FOXN3: variants seen among roughly 807,000 people sequenced by gnomAD.
FOXN3 encodes the protein forkhead box N3, also known as forkhead box protein N3.
FOXN3 carries 7 observed loss-of-function variants against 38.4 expected under a neutral mutation model. The ratio of observed to expected loss-of-function variants is 0.18; its 90% CI spans 0.10 to 0.34. FOXN3 has a LOEUF of 0.34. Among genes scored for constraint, FOXN3 ranks in the 10% least tolerant of loss-of-function variants. The pLI, the probability that FOXN3 is intolerant of heterozygous loss-of-function variation, is 1.00. For missense variants in FOXN3, 456 were observed against 613.4 expected, an observed-to-expected ratio of 0.74 and a Z score of 2.71; for synonymous variants, 230 against 242.2, an observed-to-expected ratio of 0.95 and a Z score of 0.47.
intron 1 of FOXN3, among the ~76,000 whole-genome samples, chr14:89,455,113 C>A (rs11628278): frequency 0.044 from 6,723 of 152,242 alleles, 384 homozygotes; most frequent in African/African-American, 0.13. Flanking sequence ...GGCTTTCTTC[C>A]CGCATTCCAG....
intron 1 of FOXN3, among the ~76,000 whole-genome samples, chr14:89,491,926 T>C (rs1013914158): frequency 6.6e-6 from 1 of 152,224 alleles, no homozygotes; most frequent in African/African-American, 2.4e-5. Context: ...GGTTCATGTG[T>C]TTTTCTATTC....
At chr14:89,180,877 A>G in intron 4 of FOXN3, 71 bp from the exon 5 acceptor site, 1 of 1,273,302 alleles carries the variant, frequency 7.9e-7, no homozygotes, top group Non-Finnish European at 1.1e-6. Context: ...CAAGTCAGAA[A>G]TTCTGGATAG....
intron 3 of FOXN3, among the ~76,000 whole-genome samples, chr14:89,282,575 G>C (rs1196765909): frequency 6.6e-6 from 1 of 152,164 alleles, no homozygotes; most frequent in East Asian, 1.9e-4. Context: ...AAGCTCTCAG[G>C]ATTTTACCAT....
chr14:89,253,272 T>A (rs761992731), intron 4 of FOXN3, among the ~76,000 whole-genome samples: 2 of 152,216 alleles, frequency 1.3e-5, no homozygotes, highest in Non-Finnish European at 2.9e-5. Context: ...AAAGAGCCTC[T>A]GGCAGGGATC....
chr14:89,479,821 T>C (rs574456417), intron 1 of FOXN3, among the ~76,000 whole-genome samples: 13 of 152,344 alleles, frequency 8.5e-5, no homozygotes, highest in African/African-American at 2.4e-4. Flanking sequence ...GATTTCCATT[T>C]AATTAACTGT....
At chr14:89,277,287 A>C (rs1004101835) in intron 4 of FOXN3, among the ~76,000 whole-genome samples, 2 of 152,214 alleles carry the variant, frequency 1.3e-5, no homozygotes, top group Non-Finnish European at 2.9e-5. Flanking sequence ...GACACCTGTC[A>C]GCTGGCCACG....
chr14:89,456,169 G>A (rs962084967), intron 1 of FOXN3, among the ~76,000 whole-genome samples: 12 of 147,942 alleles, frequency 8.1e-5, no homozygotes, highest in African/African-American at 2.0e-4. Context: ...ACTCCAGCCC[G>A]GGCAACAGTG....
chr14:89,393,275 T>C (rs1891007462), intron 2 of FOXN3, among the ~76,000 whole-genome samples: 1 of 152,170 alleles, frequency 6.6e-6, no homozygotes, highest in African/African-American at 2.4e-5. Context: ...CCAGTTACAT[T>C]GGATTACAAA....
chr14:89,306,417 G>C (rs1305556832), intron 3 of FOXN3, among the ~76,000 whole-genome samples: 1 of 151,902 alleles, frequency 6.6e-6, no homozygotes, highest in Non-Finnish European at 1.5e-5. Flanking sequence ...GCCCAGGCTG[G>C]AGTACAGTGG....
intron 3 of FOXN3, chr14:89,290,408 C>T: frequency 2.7e-6 from 1 of 365,998 alleles, no homozygotes; most frequent in Non-Finnish European, 5.4e-6. Flanking sequence ...TCCCCATTAC[C>T]TGGATTTGAA....
At chr14:89,483,419 C>CT (rs1327730575) in intron 1 of FOXN3, among the ~76,000 whole-genome samples, 3 of 151,986 alleles carry the variant, frequency 2.0e-5, no homozygotes, top group Non-Finnish European at 2.9e-5. Context: ...GTGGGGTGTA[C>CT]TTTTTTTAAG....
intron 4 of FOXN3, 125 bp from the exon 5 acceptor site, chr14:89,180,931 A>AACAC: frequency 4.4e-6 from 2 of 450,184 alleles, no homozygotes; most frequent in Non-Finnish European, 3.8e-6. Flanking sequence ...GACAGAGAGA[A>AACAC]ACACACACAC....
intron 3 of FOXN3, among the ~76,000 whole-genome samples, chr14:89,337,842 C>T (rs1022702568): frequency 6.6e-6 from 1 of 152,122 alleles, no homozygotes; most frequent in Non-Finnish European, 1.5e-5. Flanking sequence ...GTTGGCCAGG[C>T]TGGTCTTGAA....
At chr14:89,436,489 C>T (rs1327858386) in intron 1 of FOXN3, among the ~76,000 whole-genome samples, 5 of 152,122 alleles carry the variant, frequency 3.3e-5, no homozygotes, top group Non-Finnish European at 7.4e-5. Context: ...CTCTCCCTTT[C>T]CCAGAGTCCC....
intron 2 of FOXN3, among the ~76,000 whole-genome samples, chr14:89,357,925 C>A (rs1596212400): frequency 6.6e-6 from 1 of 152,186 alleles, no homozygotes; most frequent in Non-Finnish European, 1.5e-5. Context: ...CCCTCATTGA[C>A]CCCAACCTTT....
chr14:89,606,545 G>A (rs182825115), intron 1 of FOXN3, among the ~76,000 whole-genome samples: 5 of 152,192 alleles, frequency 3.3e-5, no homozygotes, highest in African/African-American at 1.2e-4. Context: ...TTTGGAGTGT[G>A]TGTAGTATAA....
chr14:89,481,103 T>TTA lies in FOXN3; in HGVS notation c.-14-68614_-14-68613insTA, dbSNP rs1555356235. Reference sequence around the variant, plus strand: ...TGTGGTTAAGCTTTTTTTTTTTTTTTAATAAACAAATGTGTAAATAAACTC... The same window carrying TTA: ...TGTGGTTAAGCTTTTTTTTTTTTTTTTAAATAAACAAATGTGTAAATAAACTC... On this transcript the variant is annotated intron_variant, in intron 1 of 6. Transcript: ENST00000345097. Among the ~76,000 whole-genome samples, 8 of 151,418 alleles carry TTA rather than the reference T, an allele frequency of 5.3e-5. 1 individual carries two copies. Among genetic ancestry groups the TTA allele is most frequent in the Admixed American group, 2.0e-4 (3 of 15,186 alleles).
intron 2 of FOXN3, among the ~76,000 whole-genome samples, chr14:89,375,806 G>A (rs571116292): frequency 1.4e-4 from 22 of 151,996 alleles, no homozygotes; most frequent in Admixed American, 1.0e-3. Context: ...TTTTGCTCTC[G>A]TTGCCCAGGC....
intron 1 of FOXN3, among the ~76,000 whole-genome samples, chr14:89,448,244 T>C (rs887820177): frequency 1.2e-4 from 19 of 152,326 alleles, no homozygotes; most frequent in Non-Finnish European, 5.9e-5. Context: ...AATGAATGTA[T>C]TGATCAAAGA....
Sources: allele counts gnomAD v4.1 joint callset (sites outside exome capture counted in the v4.1 genomes callset), GRCh38; gene constraint gnomAD v4.1.1; transcripts MANE v1.5; gene names NCBI Gene and HGNC (gene_info 2026-07-23, HGNC 2026-07-21).